CHM: variants seen among roughly 807,000 people sequenced by gnomAD.
CHM encodes the protein CHM Rab escort protein.
CHM carries 10 observed loss-of-function variants against 49.0 expected under a neutral mutation model. The observed-to-expected ratio is 0.20, with a 90% confidence interval of 0.13 to 0.35. The LOEUF (loss-of-function observed/expected upper bound fraction) is 0.35, where lower values mean the gene tolerates loss of function less well. Among genes scored for constraint, CHM ranks in the 10% least tolerant of loss-of-function variants. CHM has a pLI of 1.00. For missense variants in CHM, 455 were observed against 478.4 expected, an observed-to-expected ratio of 0.95 and a Z score of 0.46; for synonymous variants, 184 against 167.5, an observed-to-expected ratio of 1.10 and a Z score of -0.76.
At chrX:85,940,387 T>C (rs1053544209) in intron 8 of CHM, among the ~76,000 whole-genome samples, 11 of 112,007 alleles carry the variant, frequency 9.8e-5, no homozygotes, top group African/African-American at 3.2e-4. Context: ...CATATATTTA[T>C]CATATTATTG....
chrX:85,880,694 G>A (rs189847952), intron 12 of CHM, among the ~76,000 whole-genome samples: 231 of 111,458 alleles, frequency 2.1e-3, no homozygotes, highest in Admixed American at 3.6e-3. Context: ...GTTATGCTAG[G>A]AAAAATGTCT....
intron 2 of CHM, among the ~76,000 whole-genome samples, chrX:86,021,126 G>GTGTA (rs1555967708): frequency 1.6e-4 from 9 of 55,958 alleles, no homozygotes; most frequent in African/African-American, 6.2e-4. Flanking sequence ...GTGTATATAC[G>GTGTA]TATATATATA....
intron 4 of CHM, chrX:85,971,629 G>C (rs757629629): frequency 7.1e-6 from 2 of 283,138 alleles, no homozygotes; most frequent in South Asian, 6.6e-5. Flanking sequence ...AAGAGCAAAA[G>C]AGCAAAGCCT....
intron 9 of CHM, 85 bp downstream of exon 9, chrX:85,911,170 TATATGA>T (rs1333957719): frequency 9.4e-4 from 26 of 27,546 alleles, no homozygotes; most frequent in Middle Eastern, 0.014. Flanking sequence ...TATGTATATA[TATATGA>T]ATATATATAT....
rs575036413 is a variant in CHM, at chrX:85,872,289, C to T, written c.1770+763G>A. On this transcript the variant is annotated intron_variant, in intron 14 of 14. Coordinates refer to ENST00000357749, the MANE Select transcript of CHM (RefSeq NM_000390.4). ...AATGGACAGATGTGCCAGTTCTACCCGTGAAAAGTTTAGAAATGTGTCTCA... is the reference window on the plus strand; with the variant it reads ...AATGGACAGATGTGCCAGTTCTACCTGTGAAAAGTTTAGAAATGTGTCTCA... Among the ~76,000 whole-genome samples, 5 of 111,951 alleles carry T rather than the reference C, an allele frequency of 4.5e-5. No homozygotes were observed. In the South Asian group the frequency reaches 1.1e-3, roughly 25 times the overall value.
intron 9 of CHM, among the ~76,000 whole-genome samples, chrX:85,903,348 C>A (rs1427119031): frequency 9.0e-6 from 1 of 110,838 alleles, no homozygotes; most frequent in Non-Finnish European, 1.9e-5. Flanking sequence ...GAGTGTAAGT[C>A]TTTAAAAAGG....
intron 2 of CHM, among the ~76,000 whole-genome samples, chrX:86,025,106 G>A (rs976324369): frequency 9.0e-6 from 1 of 111,504 alleles, no homozygotes; most frequent in Non-Finnish European, 1.9e-5. Flanking sequence ...CTAAGCTTAA[G>A]ATGTGGGAGA....
At chrX:85,913,014 GAAAAAAAAAAAA>G (rs755460793) in intron 8 of CHM, among the ~76,000 whole-genome samples, 58 of 38,242 alleles carry the variant, frequency 1.5e-3, no homozygotes, top group African/African-American at 1.9e-3. Flanking sequence ...CTCCATCTCA[GAAAAAAAAAAAA>G]AAAAAAAAAA....
At chrX:85,876,224 G>A (rs1262806610) in intron 13 of CHM, among the ~76,000 whole-genome samples, 1 of 111,098 alleles carries the variant, frequency 9.0e-6, no homozygotes, top group Non-Finnish European at 1.9e-5. Flanking sequence ...TTTAAAAGGT[G>A]ACTAGGCTGA....
At chrX:85,865,715 T>C (rs1455582496) in intron 14 of CHM, among the ~76,000 whole-genome samples, 1 of 112,029 alleles carries the variant, frequency 8.9e-6, no homozygotes, top group Non-Finnish European at 1.9e-5. Flanking sequence ...ATGTCCAGGC[T>C]GAGGTGGCCT....
rs530776453 is a variant in CHM, at chrX:86,032,376, G to T, written c.50-4819C>A. Among the ~76,000 whole-genome samples, 60 of 111,135 alleles carry T rather than the reference G, an allele frequency of 5.4e-4. No individual in the cohort carries two copies. The South Asian group carries it at 0.022, about 41-fold the overall frequency. Reference sequence around the variant, plus strand: ...GTGCAGGGAGAACAGGTACAAAACGGTATCAAACACTATACACAGTGGCTG... The same window carrying T: ...GTGCAGGGAGAACAGGTACAAAACGTTATCAAACACTATACACAGTGGCTG... On this transcript the variant is annotated intron_variant, in intron 1 of 14. Transcript: ENST00000357749.
intron 8 of CHM, among the ~76,000 whole-genome samples, chrX:85,954,868 G>A (rs1159183500): frequency 9.6e-6 from 1 of 104,049 alleles, no homozygotes; most frequent in Admixed American, 1.0e-4. Flanking sequence ...CTCCACCCTG[G>A]GTGACAGAGC....
At chrX:86,029,361 A>C (rs1341534609) in intron 1 of CHM, among the ~76,000 whole-genome samples, 1 of 112,090 alleles carries the variant, frequency 8.9e-6, no homozygotes. Flanking sequence ...ATGGTACTTT[A>C]AAAGCTGATA....
chrX:85,905,505 G>C (rs972850538), intron 9 of CHM, among the ~76,000 whole-genome samples: 2 of 111,668 alleles, frequency 1.8e-5, no homozygotes, highest in African/African-American at 6.5e-5. Flanking sequence ...TAAGACAATA[G>C]CAAAGTCCAG....
chrX:85,932,811 G>A lies in CHM; in HGVS notation c.1167-21473C>T, dbSNP rs754048184. ...CCACCACAATGCATGGAAAGAGTGA[G>A]GCCTAACCTCACAAAAAAAGACAAG... On this transcript the variant is annotated intron_variant, in intron 8 of 14. Transcript: ENST00000357749. Among the ~76,000 whole-genome samples the A allele has an allele frequency of 3.8e-4, 42 of 111,645 alleles. 1 individual carries two copies. Among genetic ancestry groups the A allele is most frequent in the Non-Finnish European group, 7.5e-4 (40 of 53,149 alleles).
intron 2 of CHM, among the ~76,000 whole-genome samples, chrX:86,000,523 A>AC (rs1267607707): frequency 1.5e-3 from 166 of 108,101 alleles, no homozygotes; most frequent in African/African-American, 5.3e-3. Context: ...CAAAAAAAAA[A>AC]AAAAAAAAAA....
chrX:85,975,081 G>A (rs1212182783), intron 4 of CHM, among the ~76,000 whole-genome samples: 2 of 110,494 alleles, frequency 1.8e-5, no homozygotes, highest in African/African-American at 6.6e-5. Context: ...GCAAATAAGA[G>A]AACATGAAAA....
At chrX:85,969,194 G>C in intron 4 of CHM, 2 of 740,340 alleles carry the variant, frequency 2.7e-6, no homozygotes, top group Non-Finnish European at 3.2e-6. Flanking sequence ...TATTATACCA[G>C]AAAAAGGGAA....
chrX:85,919,659 A>T lies in CHM; in HGVS notation c.1167-8321T>A, dbSNP rs775918169. 9.8e-5 allele frequency among the ~76,000 whole-genome samples: 11 copies of T among 112,053 alleles called. 1 individual carries two copies. The highest frequency in any genetic ancestry group is 1.9e-4 in the Non-Finnish European group (10 of 53,201). On this transcript the variant is annotated intron_variant, in intron 8 of 14. Coordinates refer to ENST00000357749, the MANE Select transcript of CHM (RefSeq NM_000390.4). Reference sequence around the variant, plus strand: ...TGTGAATGATGGGAAATATTATAGAAGAAGTTTAATAATGAGACAGAATTG... The same window carrying T: ...TGTGAATGATGGGAAATATTATAGATGAAGTTTAATAATGAGACAGAATTG...
Sources: allele counts gnomAD v4.1 joint callset (sites outside exome capture counted in the v4.1 genomes callset), GRCh38; gene constraint gnomAD v4.1.1; transcripts MANE v1.5; gene names NCBI Gene and HGNC (gene_info 2026-07-23, HGNC 2026-07-21).